Variants in PCDHGC5 observed in about 807,000 individuals in gnomAD.
The protein encoded by PCDHGC5 is protocadherin gamma-C5.
In PCDHGC5, 25 loss-of-function variants were observed where a neutral mutation model predicts 59.0. The observed-to-expected ratio is 0.42, with a 90% CI of 0.31 to 0.59. PCDHGC5 has a LOEUF of 0.59. Among genes scored for constraint, PCDHGC5 ranks in the 20% least tolerant of loss-of-function variants. PCDHGC5 has a pLI of 0.13. For missense variants in PCDHGC5, 1,067 were observed against 1,206.4 expected, an observed-to-expected ratio of 0.88 and a Z score of 1.71; for synonymous variants, 434 against 505.5, an observed-to-expected ratio of 0.86 and a Z score of 1.90.
In PCDHGC5 at chr5:141,491,893, G is replaced by A; in HGVS notation, c.2460+193G>A. The stretch of plus-strand genomic sequence containing the variant: ...GGCCGATTAAGGGATGGGGCTCCGA[G>A]CACCGGGGGTGGTGGCGACTGTGGG... On this transcript the variant is annotated intron_variant, in intron 1 of 3. Transcript: ENST00000252087. This position sits in a 1 kb window ranked among gnomAD's most constrained non-coding sequence, Gnocchi z 6.9. 9 of 1,438,856 alleles carry A rather than the reference G, an allele frequency of 6.3e-6. No individual in the cohort carries two copies. Among genetic ancestry groups the A allele is most frequent in the Non-Finnish European group, 8.3e-6 (9 of 1,088,104 alleles). 89.1% of individuals were successfully genotyped at this position (1,438,856 alleles called of 1,614,324 possible). A position where few individuals can be genotyped will look rare whatever the true frequency, so the allele number is the denominator to read the frequency against.
Position 141,511,628 on chromosome 5 carries a change from G to C in PCDHGC5, c.*455G>C, listed in dbSNP as rs4912608. 0.2 allele frequency: 46,780 copies of C among 231,598 alleles called. 5,185 individuals are homozygous for C. The highest frequency in any genetic ancestry group is 0.32 in the Admixed American group (6,204 of 19,590). The allele number at this position is 231,598 out of a possible 1,614,324, so 14.3% of individuals were successfully genotyped here. A position where few individuals can be genotyped will look rare whatever the true frequency, so the allele number is the denominator to read the frequency against. On this transcript the variant is annotated 3_prime_UTR_variant, in exon 4 of 4. Transcript: ENST00000252087. ...CAAGCCTCCTAGTTCTGAAAAGTTG[G>C]AAGGGCATCATGACCTCTTGGCCTC...
chr5:141,498,737 G>A (rs1176793634), intron 2 of PCDHGC5, among the ~76,000 whole-genome samples: 1 of 152,076 alleles, frequency 6.6e-6, no homozygotes, highest in African/African-American at 2.4e-5. Context: ...TTTGAGACCA[G>A]CCTGGCCAAC....
At chr5:141,501,288 TATACAC>T (rs201660636) in intron 2 of PCDHGC5, among the ~76,000 whole-genome samples, 3 of 81,324 alleles carry the variant, frequency 3.7e-5, no homozygotes, top group African/African-American at 1.5e-4. Flanking sequence ...GATATTCCCT[TATACAC>T]ACACACACAC....
chr5:141,510,291 A>AG (rs903726285), intron 3 of PCDHGC5, among the ~76,000 whole-genome samples: 1 of 150,450 alleles, frequency 6.6e-6, no homozygotes, highest in African/African-American at 2.4e-5. Context: ...AAAAAAAAAA[A>AG]TGCTGTTTTG....
intron 2 of PCDHGC5, among the ~76,000 whole-genome samples, chr5:141,504,968 C>A (rs1377016827): frequency 1.3e-5 from 2 of 152,206 alleles, no homozygotes; most frequent in East Asian, 3.9e-4. Context: ...ATTGGACCAG[C>A]CTGGCCAACA....
chr5:141,505,210 A>G (rs899138393), intron 2 of PCDHGC5, among the ~76,000 whole-genome samples, 183 bp from the exon 3 acceptor site: 3 of 152,192 alleles, frequency 2.0e-5, no homozygotes, highest in African/African-American at 7.2e-5. Flanking sequence ...GGTTTGAGGG[A>G]CTGACTTGTG....
At position 141,489,861 on chromosome 5, in the gene PCDHGC5, A is replaced by G. The variant is rs1221756350; in HGVS notation, c.621A>G (p.Arg207=). The G allele has an allele frequency of 1.2e-5, 19 of 1,614,058 alleles. No individual in the cohort carries two copies. Among genetic ancestry groups the G allele is most frequent in the Non-Finnish European group, 1.5e-5 (18 of 1,179,998 alleles). Residue 207 remains arginine (R), a synonymous_variant, in exon 1 of 4, where the codon AGA becomes AGG. Transcript: ENST00000252087. The surrounding 1 kb of genome is among the most constrained non-coding windows in gnomAD (Gnocchi z 4.5). ...AGCTGGATCGTGAAGCCCAGGCAAGACATCAGCTGGTGCTTACTGCTGTGG... is the reference window on the plus strand; with the variant it reads ...AGCTGGATCGTGAAGCCCAGGCAAGGCATCAGCTGGTGCTTACTGCTGTGG... ...EQQLDREAQA[R]HQLVLTAVDG...
Position 141,489,214 on chromosome 5 carries a change from T to TA in PCDHGC5, c.-26dup, listed in dbSNP as rs771766565. On this transcript the variant is annotated 5_prime_UTR_variant, in exon 1 of 4. Transcript: ENST00000252087. This position sits in a 1 kb window ranked among gnomAD's most constrained non-coding sequence, Gnocchi z 4.5. ...CCTTGGAGACAGGACAGCACAGACTTACTCTCCACAAAGGGACTTCTGGGT... is the reference window on the plus strand; with the variant it reads ...CCTTGGAGACAGGACAGCACAGACTTAACTCTCCACAAAGGGACTTCTGGGT... 216 of 1,480,534 alleles carry TA rather than the reference T, an allele frequency of 1.5e-4. 4 individuals are homozygous for TA. The South Asian group carries it at 2.1e-3, about 14-fold the overall frequency. 91.7% of individuals were successfully genotyped at this position (1,480,534 alleles called of 1,614,324 possible).
At chr5:141,496,236 C>T (rs1290509264) in intron 2 of PCDHGC5, among the ~76,000 whole-genome samples, 7 of 152,138 alleles carry the variant, frequency 4.6e-5, no homozygotes, top group Middle Eastern at 3.2e-3. Flanking sequence ...GAACCCCCTG[C>T]GGGCTGAAGG....
chr5:141,497,239 G>A (rs2099775226), intron 2 of PCDHGC5, among the ~76,000 whole-genome samples: 1 of 152,104 alleles, frequency 6.6e-6, no homozygotes, highest in Admixed American at 6.5e-5. Flanking sequence ...AAGGCTTCTA[G>A]GAGGAGGTGA....
At chr5:141,500,914 G>T (rs1237339394) in intron 2 of PCDHGC5, among the ~76,000 whole-genome samples, 2 of 151,130 alleles carry the variant, frequency 1.3e-5, no homozygotes, top group Non-Finnish European at 2.9e-5. Flanking sequence ...CTGTCTCCAG[G>T]CTGGGGTGCA....
At chr5:141,501,013 C>T (rs1456343329) in intron 2 of PCDHGC5, among the ~76,000 whole-genome samples, 2 of 151,970 alleles carry the variant, frequency 1.3e-5, no homozygotes, top group Non-Finnish European at 2.9e-5. Context: ...GGACTACAGG[C>T]ACGCGCCACC....
At chr5:141,504,995 G>A (rs1214858212) in intron 2 of PCDHGC5, among the ~76,000 whole-genome samples, 6 of 151,980 alleles carry the variant, frequency 3.9e-5, no homozygotes, top group African/African-American at 1.5e-4. Context: ...AACCCCGTCT[G>A]TACTAAAAAT....
Position 141,491,508 on chromosome 5 carries a change from G to A in PCDHGC5, c.2268G>A (p.Thr756=). The A allele has an allele frequency of 6.2e-7, 1 of 1,614,030 alleles. No individual in the cohort carries two copies. The highest frequency in any genetic ancestry group is 8.5e-7 in the Non-Finnish European group (1 of 1,180,014). The stretch of plus-strand genomic sequence containing the variant: ...ACCTGCAGGTGAGCTCGGACGGCAC[G>A]CTCAAGTACATGGAGGTGACGCTGC... ...SPNLQVSSDG[T]LKYMEVTLRP... is the part of the protein sequence containing the mutation. The change falls in exon 1 of 4, where the codon ACG becomes ACA. Residue 756 remains threonine, a synonymous_variant. Transcript: ENST00000252087. This position sits in a 1 kb window ranked among gnomAD's most constrained non-coding sequence, Gnocchi z 6.9.
chr5:141,498,565 G>C (rs2099784348), intron 2 of PCDHGC5, among the ~76,000 whole-genome samples: 1 of 152,044 alleles, frequency 6.6e-6, no homozygotes. Context: ...CTTCAAAGCA[G>C]GGCTAGTATT....
chr5:141,495,080 G>A (rs73794925), intron 2 of PCDHGC5, among the ~76,000 whole-genome samples: 1 of 152,258 alleles, frequency 6.6e-6, no homozygotes, highest in African/African-American at 2.4e-5. Flanking sequence ...TCACATGCTT[G>A]CCCCTTCCCT....
At chr5:141,502,575 A>G (rs1314648955) in intron 2 of PCDHGC5, among the ~76,000 whole-genome samples, 2 of 152,208 alleles carry the variant, frequency 1.3e-5, no homozygotes, top group Admixed American at 1.3e-4. Context: ...CATTATAAAA[A>G]TATATTTTTA....
rs773499765 is a variant in PCDHGC5 at position 141,489,626 on chromosome 5, A to T, written c.386A>T (p.Asn129Ile). 6.2e-6 allele frequency: 10 copies of T among 1,613,568 alleles called. No individual in the cohort carries two copies. In the South Asian group the frequency reaches 9.9e-5, roughly 16 times the overall value. Residue 129 changes from asparagine to isoleucine, a missense_variant, in exon 1 of 4, where the codon AAC becomes ATC. By Grantham distance (149) the Asn-to-Ile change is moderately radical (BLOSUM62 -3). Coordinates refer to ENST00000252087, the MANE Select transcript of PCDHGC5 (RefSeq NM_018929.3). The surrounding 1 kb of genome is among the most constrained non-coding windows in gnomAD (Gnocchi z 4.5). The stretch of plus-strand genomic sequence containing the variant: ...GTAGAGATCCTGGATCTCAATGACA[A>T]CTCTCCTAGCTTTGCCACCCCTGAG... Reference protein sequence around the residue: ...VEVEILDLNDNSPSFATPERE... With the variant: ...VEVEILDLNDISPSFATPERE...
Position 141,512,574 on chromosome 5 carries a change from C to G in PCDHGC5, c.*1401C>G, listed in dbSNP as rs1429371202. 2 of 152,884 alleles carry G rather than the reference C, an allele frequency of 1.3e-5. No homozygotes were observed. Among genetic ancestry groups the G allele is most frequent in the South Asian group, 2.1e-4 (1 of 4,836 alleles). 9.5% of individuals were successfully genotyped at this position (152,884 alleles called of 1,614,324 possible). On this transcript the variant is annotated 3_prime_UTR_variant, in exon 4 of 4. Transcript: ENST00000252087. ...GTGCATAGACCTTCTTCTCCCACCC[C>G]CTTCTGCCCCTGGGTCCCCGGCCAT...
Sources: gnomAD v4.1 joint callset for allele counts (sites outside exome capture counted in the v4.1 genomes callset) on GRCh38, gnomAD v4.1.1 for gene constraint, Gnocchi (gnomAD v3.1) non-coding constraint, MANE v1.5 for transcripts, NCBI Gene and HGNC (gene_info 2026-07-23, HGNC 2026-07-21) for gene names.